CORO1C: variants seen among roughly 807,000 people sequenced by gnomAD.
CORO1C encodes coronin-1C.
CORO1C carries 14 observed loss-of-function variants against 51.2 expected under a neutral mutation model. That is an observed-to-expected ratio of 0.27 (90% CI 0.18 to 0.43). CORO1C has a LOEUF of 0.43. Among genes scored for constraint, CORO1C ranks in the 20% least tolerant of loss-of-function variants. The probability of loss-of-function intolerance (pLI) is 1.00; values close to 1 mark genes in which losing one functional copy is unlikely to be tolerated. For synonymous variants in CORO1C, 181 were observed against 210.5 expected, an observed-to-expected ratio of 0.86 and a Z score of 1.21; for missense variants, 417 against 607.8, an observed-to-expected ratio of 0.69 and a Z score of 3.30.
intron 3 of CORO1C, among the ~76,000 whole-genome samples, chr12:108,672,754 C>T (rs2033765001): frequency 6.6e-6 from 1 of 152,060 alleles, no homozygotes; most frequent in Non-Finnish European, 1.5e-5. Flanking sequence ...CTCTGTGTCA[C>T]ATTTTGGCAA....
At chr12:108,671,903 C>A (rs1280542888) in intron 3 of CORO1C, among the ~76,000 whole-genome samples, 1 of 152,158 alleles carries the variant, frequency 6.6e-6, no homozygotes, top group African/African-American at 2.4e-5. Context: ...GCTGGGACCA[C>A]AGGCACTCAC....
At chr12:108,648,894 C>A in intron 9 of CORO1C, 44 bp from the exon 10 acceptor site, 2 of 1,612,126 alleles carry the variant, frequency 1.2e-6, no homozygotes, top group Non-Finnish European at 1.7e-6. Flanking sequence ...AGAAGAAAGG[C>A]CTGGGATTTT....
intron 3 of CORO1C, among the ~76,000 whole-genome samples, chr12:108,663,794 T>C (rs559074715): frequency 2.8e-4 from 42 of 152,332 alleles, no homozygotes; most frequent in African/African-American, 9.4e-4. Flanking sequence ...TAAAACTCAG[T>C]GAATTGTACA....
At chr12:108,654,444 T>A in intron 6 of CORO1C, 34 bp from the exon 7 acceptor site, 1 of 1,180,960 alleles carries the variant, frequency 8.5e-7, no homozygotes, top group Non-Finnish European at 1.2e-6. Context: ...CATATATGTG[T>A]ATGTATACAT....
At chr12:108,692,318 CT>C (rs1327266049) in intron 2 of CORO1C, among the ~76,000 whole-genome samples, 2 of 152,200 alleles carry the variant, frequency 1.3e-5, no homozygotes, top group Non-Finnish European at 2.9e-5. Context: ...TCCTCTGCCC[CT>C]AACACCAAAG....
intron 2 of CORO1C, among the ~76,000 whole-genome samples, chr12:108,692,794 C>CTTTTTTTTTTTTTTTTTTTTTT (rs11447073): frequency 9.0e-6 from 1 of 111,662 alleles, no homozygotes; most frequent in Non-Finnish European, 1.7e-5. Context: ...TAGACCACAG[C>CTTTTTTTTTTTTTTTTTTTTTT]TTTTTTTTTT....
intron 2 of CORO1C, among the ~76,000 whole-genome samples, chr12:108,687,637 T>C (rs999699060): frequency 6.6e-6 from 1 of 151,656 alleles, no homozygotes; most frequent in Non-Finnish European, 1.5e-5. Flanking sequence ...TTACAAAAAT[T>C]AGCTGCGCTT....
intron 2 of CORO1C, among the ~76,000 whole-genome samples, chr12:108,697,094 T>G (rs573288048): frequency 6.6e-6 from 1 of 152,354 alleles, no homozygotes; most frequent in African/African-American, 2.4e-5. Flanking sequence ...TTATTTTACA[T>G]TCTCCCAGAA....
At chr12:108,712,807 C>T (rs1396855429) in intron 1 of CORO1C, among the ~76,000 whole-genome samples, 1 of 151,028 alleles carries the variant, frequency 6.6e-6, no homozygotes, top group East Asian at 1.9e-4. Flanking sequence ...CATAATGAGG[C>T]ACTGTCTCTA....
rs765842597 is a variant in CORO1C at position 108,678,295 on chromosome 12, C to T, written c.295G>A (p.Gly99Ser). 4.3e-6 allele frequency: 7 copies of T among 1,612,936 alleles called. No individual in the cohort carries two copies. Among genetic ancestry groups the T allele is most frequent in the African/African-American group, 2.7e-5 (2 of 74,834 alleles). The change falls in exon 3 of 11, where the codon GGT becomes AGT. Residue 99 changes from glycine to serine, a missense_variant. By Grantham distance (56) the Gly-to-Ser change is moderately conservative. Transcript: ENST00000261401. ...CPHNDQVIAS[G>S]SEDCTVMVWQ... ...ACCATGACCGTGCAGTCCTCTGAAC[C>T]GCTGGCAATGACCTGATCGTTATGT...
chr12:108,652,984 T>C (rs1369737087), intron 7 of CORO1C: 1 of 152,670 alleles, frequency 6.6e-6, no homozygotes, highest in Non-Finnish European at 1.5e-5. Context: ...TATCTTTGAG[T>C]ACTGAAGCAT....
chr12:108,690,174 A>G (rs1438291440), intron 2 of CORO1C, among the ~76,000 whole-genome samples: 1 of 152,184 alleles, frequency 6.6e-6, no homozygotes, highest in Admixed American at 6.5e-5. Context: ...GGTGCACACA[A>G]TATATGACTT....
intron 3 of CORO1C, among the ~76,000 whole-genome samples, chr12:108,665,388 T>G (rs1474655203): frequency 6.6e-6 from 1 of 152,226 alleles, no homozygotes; most frequent in Non-Finnish European, 1.5e-5. Context: ...ACTACCTTGG[T>G]TAACTCTTTC....
intron 3 of CORO1C, 78 bp from the exon 4 acceptor site, chr12:108,662,236 T>C: frequency 1.6e-6 from 2 of 1,285,510 alleles, no homozygotes; most frequent in South Asian, 2.4e-5. Flanking sequence ...CCATCCACTA[T>C]AAAGATTTGC....
chr12:108,648,521 C>A, intron 10 of CORO1C, 84 bp downstream of exon 10: 5 of 1,578,736 alleles, frequency 3.2e-6, no homozygotes, highest in Non-Finnish European at 4.3e-6. Context: ...TGGGACAGTA[C>A]TCGCCGACGC....
At chr12:108,701,767 A>G (rs189016020) in intron 1 of CORO1C, 58 of 184,910 alleles carry the variant, frequency 3.1e-4, no homozygotes, top group African/African-American at 1.2e-3. Context: ...CTTTGTCCTC[A>G]GCCTGCCAAG....
At chr12:108,715,067 A>C (rs921199849) in intron 1 of CORO1C, among the ~76,000 whole-genome samples, 1 of 152,074 alleles carries the variant, frequency 6.6e-6, no homozygotes, top group Non-Finnish European at 1.5e-5. Flanking sequence ...TGAAGACAAA[A>C]GATAAAATTC....
At chr12:108,694,616 C>T (rs746953184) in intron 2 of CORO1C, among the ~76,000 whole-genome samples, 1 of 151,992 alleles carries the variant, frequency 6.6e-6, no homozygotes, top group Non-Finnish European at 1.5e-5. Context: ...AAGTTAAGTA[C>T]GAGATAATGA....
rs76470389 is a variant in CORO1C, at chr12:108,647,481, T to C, written c.1347A>G (p.Lys449=). ...AKLDEILKEI[K]SIKDTICNQD... ...GATTGCAGATTGTGTCTTTTATAGA[T>C]TTGATCTCTTTTAAAATCTCATCCA... Residue 449 remains lysine, a synonymous_variant, in exon 11 of 11, where the codon AAA becomes AAG. Transcript: ENST00000261401. 1.1e-3 allele frequency: 1,744 copies of C among 1,607,874 alleles called. 18 individuals are homozygous for C. In the African/African-American group the frequency reaches 0.018, roughly 16 times the overall value.
Sources: allele counts gnomAD v4.1 joint callset (sites outside exome capture counted in the v4.1 genomes callset), GRCh38; gene constraint gnomAD v4.1.1; transcripts MANE v1.5; gene names NCBI Gene and HGNC (gene_info 2026-07-23, HGNC 2026-07-21).